Variants in GSAP observed in about 807,000 individuals in gnomAD.
The protein encoded by GSAP is gamma-secretase activating protein, also known as gamma-secretase-activating protein.
In GSAP, 118 loss-of-function variants were observed where a neutral mutation model predicts 131.7. That is an observed-to-expected ratio of 0.90 (90% confidence interval 0.77 to 1.04). The LOEUF is 1.04. GSAP is among the 50% of genes least tolerant of loss of function. The pLI is 0.00. For missense variants in GSAP, 1,019 were observed against 1,013.2 expected (o/e 1.01, Z -0.08); for synonymous variants, 381 against 363.4 (o/e 1.05, Z -0.55).
intron 5 of GSAP, among the ~76,000 whole-genome samples, chr7:77,391,393 G>A (rs1004451223): frequency 6.6e-6 from 1 of 152,098 alleles, no homozygotes; most frequent in Admixed American, 6.6e-5. Flanking sequence ...CATACCATGT[G>A]CTTTCACAGT....
chr7:77,414,371 GAATT>G (rs1803889036), intron 1 of GSAP, among the ~76,000 whole-genome samples: 2 of 152,238 alleles, frequency 1.3e-5, no homozygotes, highest in Admixed American at 6.5e-5. Flanking sequence ...TACAGAACAG[GAATT>G]AATTTGTGTG....
At chr7:77,362,020 C>T (rs1019545105) in intron 13 of GSAP, among the ~76,000 whole-genome samples, 20 of 152,084 alleles carry the variant, frequency 1.3e-4, no homozygotes, top group African/African-American at 4.1e-4. Context: ...GGATAAATAC[C>T]TTCCTTAGGA....
intron 19 of GSAP, among the ~76,000 whole-genome samples, chr7:77,334,912 G>A (rs1303769572): frequency 2.6e-5 from 4 of 151,502 alleles, no homozygotes; most frequent in South Asian, 2.1e-4. Flanking sequence ...GTGAAACCCC[G>A]TCTCTACTAA....
At chr7:77,330,914 T>C in intron 19 of GSAP, 1 of 932,156 alleles carries the variant, frequency 1.1e-6, no homozygotes, top group Non-Finnish European at 1.3e-6. Context: ...ACAGAATTAG[T>C]CAGCATTCTA....
chr7:77,314,504 C>G lies in GSAP; in HGVS notation c.2090-15G>C. On this transcript the variant is annotated splice_polypyrimidine_tract_variant and intron_variant, in intron 26 of 30. Transcript: ENST00000257626. ...AGTATGAAAACCTAGGATGAGAGAT[C>G]TGGAGGGTAAACACAGTCAGCCAAC... is the stretch of plus-strand genomic sequence containing the variant. 7 of 1,613,244 alleles carry G rather than the reference C, an allele frequency of 4.3e-6. No homozygotes were observed. The highest frequency in any genetic ancestry group is 5.9e-6 in the Non-Finnish European group (7 of 1,179,506).
Position 77,414,681 on chromosome 7 carries a change from A to G in GSAP, c.109+1532T>C, listed in dbSNP as rs974973746. Among the ~76,000 whole-genome samples, 14 of 152,072 alleles carry G rather than the reference A, an allele frequency of 9.2e-5. 1 individual carries two copies. The highest frequency in any genetic ancestry group is 3.1e-4 in the African/African-American group (13 of 41,402). On this transcript the variant is annotated intron_variant, in intron 1 of 30. Coordinates refer to ENST00000257626, the MANE Select transcript of GSAP (RefSeq NM_017439.4). Reference sequence around the variant, plus strand: ...ACGACACACATTACGGAAACATAAGACTGTGGCATTTCACACTCATCTAAC... The same window carrying G: ...ACGACACACATTACGGAAACATAAGGCTGTGGCATTTCACACTCATCTAAC...
intron 10 of GSAP, among the ~76,000 whole-genome samples, chr7:77,376,599 C>A (rs1796900696): frequency 6.6e-6 from 1 of 151,918 alleles, no homozygotes; most frequent in Non-Finnish European, 1.5e-5. Context: ...TACAGTGAAG[C>A]CCTGTCTCTA....
intron 1 of GSAP, among the ~76,000 whole-genome samples, chr7:77,411,223 A>C (rs1295176622): frequency 1.3e-5 from 2 of 152,196 alleles, no homozygotes; most frequent in Non-Finnish European, 2.9e-5. Flanking sequence ...TCACTTGGTA[A>C]AATATACCAC....
At chr7:77,413,541 A>C (rs1803686448) in intron 1 of GSAP, among the ~76,000 whole-genome samples, 1 of 152,220 alleles carries the variant, frequency 6.6e-6, no homozygotes, top group African/African-American at 2.4e-5. Context: ...AATTAATACA[A>C]ATTAATAACC....
At chr7:77,375,173 C>G in intron 10 of GSAP, 72 bp from the exon 11 acceptor site, 1 of 793,448 alleles carries the variant, frequency 1.3e-6, no homozygotes, top group Non-Finnish European at 2.1e-6. Flanking sequence ...CCAGAGCAAG[C>G]CCAAGTAAAC....
At chr7:77,392,584 A>G (rs141535135) in intron 5 of GSAP, among the ~76,000 whole-genome samples, 143 of 152,298 alleles carry the variant, frequency 9.4e-4, no homozygotes, top group African/African-American at 3.1e-3. Flanking sequence ...CTGGGAGACC[A>G]TCACTGAAGG....
intron 28 of GSAP, 29 bp downstream of exon 28, chr7:77,313,459 G>A (rs778932123): frequency 1.6e-6 from 2 of 1,262,096 alleles, no homozygotes; most frequent in Non-Finnish European, 2.3e-6. Flanking sequence ...CAAAGCTTAG[G>A]GAGAAAATAA....
At chr7:77,312,878 T>G (rs1051133179) in intron 28 of GSAP, among the ~76,000 whole-genome samples, 7 of 152,248 alleles carry the variant, frequency 4.6e-5, no homozygotes, top group Admixed American at 2.0e-4. Context: ...AGTTAGAGGC[T>G]CGGAAGACCT....
chr7:77,385,520 C>T (rs1798438589), intron 6 of GSAP, among the ~76,000 whole-genome samples: 1 of 152,140 alleles, frequency 6.6e-6, no homozygotes. Context: ...ATGTCTCTAC[C>T]ATCTATATGG....
rs770906377 is a variant in GSAP, at chr7:77,314,462, C to T, written c.2117G>A (p.Gly706Glu). 27 of 1,613,778 alleles carry T rather than the reference C, an allele frequency of 1.7e-5. No individual in the cohort carries two copies. The highest frequency in any genetic ancestry group is 2.0e-5 in the Non-Finnish European group (24 of 1,179,814). ...PGFHTLHTILGVQCLPLHNLL... is the reference protein window; with the variant it reads ...PGFHTLHTILEVQCLPLHNLL... ...GTTATGCAAAGGGAGACACTGGACC[C>T]CGAGGATGGTGTGCAGAGTATGAAA... Residue 706 changes from glycine to glutamate, a missense_variant, in exon 27 of 31, where the codon GGG becomes GAG. By Grantham distance (98) the Gly-to-Glu change is moderately conservative. Coordinates refer to ENST00000257626, the MANE Select transcript of GSAP (RefSeq NM_017439.4).
chr7:77,346,270 C>CAAAAAAA (rs1223497863), intron 19 of GSAP, among the ~76,000 whole-genome samples: 3,620 of 40,614 alleles, frequency 0.089, 222 homozygotes, highest in East Asian at 0.31. Context: ...GACTCCATCT[C>CAAAAAAA]AAAAAAAAAA....
chr7:77,313,424 A>G (rs912664824), intron 28 of GSAP, 64 bp downstream of exon 28: 9 of 822,766 alleles, frequency 1.1e-5, no homozygotes, highest in East Asian at 5.0e-5. Flanking sequence ...TCTTTTTGCA[A>G]GAAGAAATTG....
At chr7:77,318,911 T>G in intron 26 of GSAP, among the ~76,000 whole-genome samples, 1 of 89,034 alleles carries the variant, frequency 1.1e-5, no homozygotes, top group African/African-American at 4.5e-5. Context: ...ATCCTGGGCC[T>G]GTTGTGGGGT....
chr7:77,404,820 G>A (rs186337553), intron 2 of GSAP, among the ~76,000 whole-genome samples: 1 of 152,290 alleles, frequency 6.6e-6, no homozygotes, highest in Admixed American at 6.5e-5. Flanking sequence ...GTAGAGCTCA[G>A]TGAGTTTGGG....
Sources: allele counts gnomAD v4.1 joint callset (sites outside exome capture counted in the v4.1 genomes callset), GRCh38; gene constraint gnomAD v4.1.1; transcripts MANE v1.5; gene names NCBI Gene and HGNC (gene_info 2026-07-23, HGNC 2026-07-21).